The following SHROOM3 variants were observed in gnomAD, a reference collection of about 807,000 sequenced individuals.
The protein encoded by SHROOM3 is protein Shroom3.
SHROOM3 carries 47 observed loss-of-function variants against 138.6 expected under a neutral mutation model. That is an observed-to-expected ratio of 0.34 (90% CI 0.27 to 0.43). SHROOM3 has a LOEUF of 0.43. Among genes scored for constraint, SHROOM3 ranks in the 20% least tolerant of loss-of-function variants. The probability of loss-of-function intolerance (pLI) is 1.00; values close to 1 mark genes in which losing one functional copy is unlikely to be tolerated. For missense variants in SHROOM3, 2,491 were observed against 2,596.5 expected, an observed-to-expected ratio of 0.96 and a Z score of 0.88; for synonymous variants, 1,062 against 1,063.3, an observed-to-expected ratio of 1.00 and a Z score of 0.02.
At chr4:76,588,138 T>C (rs1402105409) in intron 2 of SHROOM3, among the ~76,000 whole-genome samples, 3 of 152,124 alleles carry the variant, frequency 2.0e-5, no homozygotes, top group Admixed American at 1.3e-4. Context: ...TAACAATACT[T>C]AAAAGTAAAC....
At chr4:76,628,508 G>A (rs1317808998) in intron 2 of SHROOM3, among the ~76,000 whole-genome samples, 1 of 152,090 alleles carries the variant, frequency 6.6e-6, no homozygotes, top group Non-Finnish European at 1.5e-5. Flanking sequence ...ATGCAGTGGG[G>A]CACAGACGTT....
chr4:76,740,815 C>T lies in SHROOM3; in HGVS notation c.2642C>T (p.Pro881Leu). 1 of 1,604,682 alleles carries T rather than the reference C, an allele frequency of 6.2e-7. No homozygotes were observed. The highest frequency in any genetic ancestry group is 8.5e-7 in the Non-Finnish European group (1 of 1,175,822). ...ASDSGRGPQR[P>L]DARLLRSQST... ...GACAGCGGCCGTGGCCCCCAGAGGC[C>T]GGACGCTCGGCTCCTCCGTAGCCAG... The change falls in exon 5 of 11, where the codon CCG (proline) becomes CTG (leucine). Residue 881 changes from proline (P) to leucine (L), a missense_variant. Coordinates refer to ENST00000296043, the MANE Select transcript of SHROOM3 (RefSeq NM_020859.4). This position sits in a 1 kb window ranked among gnomAD's most constrained non-coding sequence, Gnocchi z 4.0.
intron 6 of SHROOM3, among the ~76,000 whole-genome samples, chr4:76,750,037 T>A (rs1165812292): frequency 1.3e-5 from 2 of 152,174 alleles, no homozygotes; most frequent in Non-Finnish European, 2.9e-5. Context: ...CACAACCTAA[T>A]TCTGTCAAGT....
At chr4:76,598,238 G>A (rs1734430979) in intron 2 of SHROOM3, among the ~76,000 whole-genome samples, 1 of 152,030 alleles carries the variant, frequency 6.6e-6, no homozygotes, top group Non-Finnish European at 1.5e-5. Flanking sequence ...GTGTTAGCCA[G>A]GATGGTCTCG....
chr4:76,647,345 G>A (rs187785706), intron 2 of SHROOM3, among the ~76,000 whole-genome samples: 1 of 152,234 alleles, frequency 6.6e-6, no homozygotes, highest in Non-Finnish European at 1.5e-5. Flanking sequence ...TCTAATGTTC[G>A]ACAGCAGAGT....
chr4:76,529,712 C>T (rs1467986677), intron 1 of SHROOM3, among the ~76,000 whole-genome samples: 1 of 139,390 alleles, frequency 7.2e-6, no homozygotes, highest in Non-Finnish European at 1.6e-5. Context: ...CCCCTACGTA[C>T]AGGACTGGAC....
intron 2 of SHROOM3, among the ~76,000 whole-genome samples, chr4:76,587,714 C>A (rs1422800132): frequency 1.3e-5 from 2 of 152,090 alleles, no homozygotes; most frequent in African/African-American, 4.8e-5. Context: ...AATAAAAGCA[C>A]CAGAAATGGC....
chr4:76,500,119 G>A (rs900890183), intron 1 of SHROOM3, among the ~76,000 whole-genome samples: 3 of 152,098 alleles, frequency 2.0e-5, no homozygotes, highest in Admixed American at 6.5e-5. Flanking sequence ...GCTCCAGTTC[G>A]GACATTAGAC....
chr4:76,496,133 A>G (rs1483127075), intron 1 of SHROOM3, among the ~76,000 whole-genome samples: 2 of 152,246 alleles, frequency 1.3e-5, no homozygotes. Context: ...TGAAGGTTTA[A>G]GCATTTCTGC....
rs141740683 is a variant in SHROOM3, at chr4:76,442,448, C to T, written c.168+6228C>T. Among the ~76,000 whole-genome samples, 547 of 139,194 alleles carry T rather than the reference C, an allele frequency of 3.9e-3. 1 individual carries two copies. Among genetic ancestry groups the T allele is most frequent in the Non-Finnish European group, 6.2e-3 (403 of 65,506 alleles). The allele number at this position is 139,194 out of a possible 152,430, so 91.3% of individuals were successfully genotyped here. A position where few individuals can be genotyped will look rare whatever the true frequency, so the allele number is the denominator to read the frequency against. On this transcript the variant is annotated intron_variant, in intron 1 of 10. Coordinates refer to ENST00000296043, the MANE Select transcript of SHROOM3 (RefSeq NM_020859.4). ...TTTTGGAGACAGAGTCTTGCTCTGT[C>T]GCCCAGGCTGGAGTGCAGTGGTGCG...
At chr4:76,689,627 C>T in intron 2 of SHROOM3, 2 of 985,296 alleles carry the variant, frequency 2.0e-6, no homozygotes, top group Non-Finnish European at 2.4e-6. Context: ...CTCGGAGCGG[C>T]GGCGAAGTTT....
chr4:76,513,653 T>C (rs1732385540), intron 1 of SHROOM3, among the ~76,000 whole-genome samples: 1 of 152,102 alleles, frequency 6.6e-6, no homozygotes, highest in African/African-American at 2.4e-5. Flanking sequence ...CATTTACCGG[T>C]AGTATGCTTT....
chr4:76,775,693 A>G (rs776838006), intron 10 of SHROOM3, among the ~76,000 whole-genome samples: 10 of 150,188 alleles, frequency 6.7e-5, no homozygotes, highest in South Asian at 2.1e-4. Context: ...GTGTGTGTAT[A>G]TATACATAAC....
At chr4:76,441,372 C>T (rs1357236722) in intron 1 of SHROOM3, among the ~76,000 whole-genome samples, 1 of 152,138 alleles carries the variant, frequency 6.6e-6, no homozygotes, top group East Asian at 1.9e-4. Flanking sequence ...GGATTACAGG[C>T]GTGAGCCACC....
At chr4:76,486,983 T>G (rs1731745339) in intron 1 of SHROOM3, among the ~76,000 whole-genome samples, 1 of 152,194 alleles carries the variant, frequency 6.6e-6, no homozygotes, top group Non-Finnish European at 1.5e-5. Context: ...ACAATGATTT[T>G]TAGTATATTC....
At chr4:76,769,725 TCA>T (rs1722285780) in intron 9 of SHROOM3, among the ~76,000 whole-genome samples, 1 of 152,222 alleles carries the variant, frequency 6.6e-6, no homozygotes, top group African/African-American at 2.4e-5. Context: ...TCACTTCACC[TCA>T]CAATGTCTTA....
intron 1 of SHROOM3, among the ~76,000 whole-genome samples, chr4:76,528,548 CTT>C (rs35121750): frequency 1.1e-4 from 14 of 125,012 alleles, no homozygotes; most frequent in Non-Finnish European, 1.8e-4. Flanking sequence ...TTCTTTCTTT[CTT>C]TTTTTTTTTT....
chr4:76,515,722 A>G (rs1732430805), intron 1 of SHROOM3, among the ~76,000 whole-genome samples: 2 of 152,192 alleles, frequency 1.3e-5, no homozygotes, highest in Admixed American at 6.6e-5. Context: ...TCTAAAAACC[A>G]TATAAACTCA....
rs773776536 is a variant in SHROOM3 at position 76,738,898 on chromosome 4, C to A, written c.725C>A (p.Ser242Tyr). Residue 242 changes from serine to tyrosine, a missense_variant, in exon 5 of 11, where the codon TCC (serine) becomes TAC (tyrosine). Ser to Tyr is a moderately radical substitution (Grantham distance 144). Transcript: ENST00000296043. The part of the protein sequence containing the change: ...YPPCHLSPAK[S>Y]TGSIDQLSHF... ...CCCTGTCATCTTTCCCCTGCCAAGT[C>A]CACCGGCAGCATTGACCAGCTCAGC... 5 of 1,614,126 alleles carry A rather than the reference C, an allele frequency of 3.1e-6. No individual in the cohort carries two copies. Among genetic ancestry groups the A allele is most frequent in the African/African-American group, 2.7e-5 (2 of 74,948 alleles).
Sources: gnomAD v4.1 joint callset for allele counts (sites outside exome capture counted in the v4.1 genomes callset) on GRCh38, gnomAD v4.1.1 for gene constraint, Gnocchi (gnomAD v3.1) non-coding constraint, MANE v1.5 for transcripts, NCBI Gene and HGNC (gene_info 2026-07-23, HGNC 2026-07-21) for gene names.